FGFR2: variants seen among roughly 807,000 people sequenced by gnomAD.
The protein encoded by FGFR2 is BEK fibroblast growth factor receptor.
In FGFR2, 19 loss-of-function variants were observed where a neutral mutation model predicts 95.9. The ratio of observed to expected loss-of-function variants is 0.20; its 90% CI spans 0.14 to 0.29. The LOEUF is 0.29. Among genes scored for constraint, FGFR2 ranks in the 10% least tolerant of loss-of-function variants. The pLI is 1.00. For missense variants in FGFR2, 707 were observed against 1,056.9 expected (o/e 0.67, Z 4.59); for synonymous variants, 392 against 393.3 (o/e 1.00, Z 0.04).
chr10:121,491,984 G>T (rs1343480560), intron 13 of FGFR2, among the ~76,000 whole-genome samples: 1 of 151,808 alleles, frequency 6.6e-6, no homozygotes, highest in African/African-American at 2.4e-5. Flanking sequence ...TTCAAGACCA[G>T]CCTGGCCAAC....
chr10:121,520,373 A>C (rs1253496049), intron 6 of FGFR2, among the ~76,000 whole-genome samples: 2 of 152,246 alleles, frequency 1.3e-5, no homozygotes, highest in African/African-American at 2.4e-5. Context: ...CCTTGTAAAA[A>C]GAACACTTAC....
intron 9 of FGFR2, among the ~76,000 whole-genome samples, chr10:121,512,547 T>TTTTTGTTTTGTTTTG (rs533841101): frequency 1.6e-4 from 25 of 151,864 alleles, no homozygotes; most frequent in African/African-American, 5.8e-4. Flanking sequence ...CCACTTTGGG[T>TTTTTGTTTTGTTTTG]TTTTGTTTTG....
At position 121,479,773 on chromosome 10, in the gene FGFR2, C is replaced by G; in HGVS notation, c.*84G>C. 6.2e-7 allele frequency: 1 copy of G among 1,613,024 alleles called. No individual in the cohort carries two copies. The highest frequency in any genetic ancestry group is 8.5e-7 in the Non-Finnish European group (1 of 1,179,082). On this transcript the variant is annotated 3_prime_UTR_variant, in exon 18 of 18. Coordinates refer to ENST00000358487, the MANE Select transcript of FGFR2 (RefSeq NM_000141.5). ...GATCCATATATACAAGTGGAGACAA[C>G]AAGCTCTGGGAGGCATGGTCTCCCT...
chr10:121,491,963 G>A (rs1001220529), intron 13 of FGFR2, among the ~76,000 whole-genome samples: 26 of 151,706 alleles, frequency 1.7e-4, no homozygotes, highest in Non-Finnish European at 3.4e-4. Context: ...CAGATCACTT[G>A]AGGTCAGGAG....
chr10:121,575,250 G>C (rs561937294), intron 2 of FGFR2, among the ~76,000 whole-genome samples: 36 of 152,304 alleles, frequency 2.4e-4, no homozygotes, highest in African/African-American at 4.6e-4. Flanking sequence ...ACAGAGTAAA[G>C]AGCCTAAGAA....
chr10:121,581,119 T>A (rs2981577), intron 2 of FGFR2, among the ~76,000 whole-genome samples: 2 of 152,232 alleles, frequency 1.3e-5, no homozygotes, highest in Admixed American at 1.3e-4. Flanking sequence ...CAGGCTGAAA[T>A]GACCCACTCA....
chr10:121,576,957 A>C (rs1337427855), intron 2 of FGFR2, among the ~76,000 whole-genome samples: 12 of 150,734 alleles, frequency 8.0e-5, no homozygotes, highest in Non-Finnish European at 2.9e-5. Flanking sequence ...CAACATGGGG[A>C]GACCCCATCT....
At chr10:121,567,326 C>T (rs755198925) in intron 2 of FGFR2, among the ~76,000 whole-genome samples, 2 of 152,234 alleles carry the variant, frequency 1.3e-5, no homozygotes, top group East Asian at 1.9e-4. Flanking sequence ...CCAACTAGCA[C>T]GTGAACACAA....
At chr10:121,559,153 G>C (rs111795358) in intron 4 of FGFR2, among the ~76,000 whole-genome samples, 3 of 143,514 alleles carry the variant, frequency 2.1e-5, no homozygotes, top group Non-Finnish European at 3.0e-5. Context: ...GCCCAAAAAC[G>C]TCACCATCAA....
At chr10:121,571,114 G>T (rs553254028) in intron 2 of FGFR2, among the ~76,000 whole-genome samples, 62 of 150,704 alleles carry the variant, frequency 4.1e-4, no homozygotes, top group African/African-American at 1.5e-3. Flanking sequence ...TCAGCCTCCT[G>T]AGTAGCTGGG....
At chr10:121,582,462 G>A (rs1202082918) in intron 2 of FGFR2, among the ~76,000 whole-genome samples, 1 of 152,118 alleles carries the variant, frequency 6.6e-6, no homozygotes, top group Admixed American at 6.5e-5. Flanking sequence ...CGCACGGGGA[G>A]CTGCAAATTT....
At position 121,518,742 on chromosome 10, in the gene FGFR2, A is replaced by T. The variant is rs1850051819; in HGVS notation, c.939+1237T>A. On this transcript the variant is annotated intron_variant, in intron 7 of 17. Coordinates refer to ENST00000358487, the MANE Select transcript of FGFR2 (RefSeq NM_000141.5). This position sits in a 1 kb window ranked among gnomAD's most constrained non-coding sequence, Gnocchi z 4.0. ...TGGTTGGCCTGCCCTATATAATTGG[A>T]GACCTTACATATATATTCCCCAGCA... 1 of 1,614,088 alleles carries T rather than the reference A, an allele frequency of 6.2e-7. No individual in the cohort carries two copies. Among genetic ancestry groups the T allele is most frequent in the Admixed American group, 1.7e-5 (1 of 60,004 alleles).
intron 4 of FGFR2, among the ~76,000 whole-genome samples, chr10:121,562,538 G>A (rs903114821): frequency 2.0e-5 from 3 of 152,006 alleles, no homozygotes; most frequent in South Asian, 4.2e-4. Flanking sequence ...CACCCGCCTC[G>A]GCCTCACAAA....
chr10:121,563,303 G>A (rs574324080), intron 4 of FGFR2, among the ~76,000 whole-genome samples: 4 of 152,308 alleles, frequency 2.6e-5, no homozygotes, highest in East Asian at 1.9e-4. Flanking sequence ...GAACCTGGGA[G>A]GTGCAGGTTG....
At chr10:121,491,904 C>T (rs529530600) in intron 13 of FGFR2, among the ~76,000 whole-genome samples, 6 of 148,222 alleles carry the variant, frequency 4.0e-5, no homozygotes, top group Non-Finnish European at 8.9e-5. Flanking sequence ...CAGGGCCAGG[C>T]GCAGTGGCTC....
rs1861157497 is a variant in FGFR2, at chr10:121,582,828, C to T, written c.109+10881G>A. Among the ~76,000 whole-genome samples the T allele has an allele frequency of 2.0e-5, 3 of 152,106 alleles. No individual in the cohort carries two copies. The South Asian group carries it at 6.2e-4, about 32-fold the overall frequency. ...GAAAAAGGAATTCTACAACTTTCCT[C>T]CAAAACTCAACTCCCACTTGGAAAT... On this transcript the variant is annotated intron_variant, in intron 2 of 17. Coordinates refer to ENST00000358487, the MANE Select transcript of FGFR2 (RefSeq NM_000141.5).
chr10:121,481,311 A>C (rs936207970), intron 17 of FGFR2, among the ~76,000 whole-genome samples: 1 of 152,108 alleles, frequency 6.6e-6, no homozygotes, highest in East Asian at 1.9e-4. Context: ...GGGGGCAAAA[A>C]GTGCAGACCA....
chr10:121,510,812 A>ATTTTATTTTT (rs1200738729), intron 9 of FGFR2, among the ~76,000 whole-genome samples: 2 of 150,672 alleles, frequency 1.3e-5, no homozygotes, highest in South Asian at 2.1e-4. Flanking sequence ...ATTTTATTTT[A>ATTTTATTTTT]TTTGTGTGAG....
intron 13 of FGFR2, among the ~76,000 whole-genome samples, chr10:121,493,344 T>C (rs1281839608): frequency 6.6e-6 from 1 of 152,204 alleles, no homozygotes; most frequent in African/African-American, 2.4e-5. Context: ...GTTCGTCTCT[T>C]AGTTTTCTCT....
Sources: allele counts gnomAD v4.1 joint callset (sites outside exome capture counted in the v4.1 genomes callset), GRCh38; gene constraint gnomAD v4.1.1; non-coding constraint Gnocchi (gnomAD v3.1); transcripts MANE v1.5; gene names NCBI Gene and HGNC (gene_info 2026-07-23, HGNC 2026-07-21).